COBL: variants seen among roughly 807,000 people sequenced by gnomAD.
COBL encodes the protein cordon-bleu WH2 repeat protein.
Under a neutral mutation model 98.8 loss-of-function variants are expected in COBL, and 51 were observed. That is an observed-to-expected ratio of 0.52 (90% CI 0.41 to 0.65). COBL has a LOEUF of 0.65. COBL is among the 30% of genes least tolerant of loss of function. The probability of loss-of-function intolerance (pLI) is 0.00; values close to 1 mark genes in which losing one functional copy is unlikely to be tolerated. For missense variants in COBL, 1,617 were observed against 1,617.5 expected (o/e 1.00, Z 0.01); for synonymous variants, 634 against 651.7 (o/e 0.97, Z 0.41).
rs1583660569 is a variant in COBL, at chr7:51,065,032, T to C, written c.1096+20134A>G. On this transcript the variant is annotated intron_variant, in intron 7 of 12. Coordinates refer to ENST00000265136, the MANE Select transcript of COBL (RefSeq NM_015198.5). The stretch of plus-strand genomic sequence containing the variant: ...CAGACAGAATTCATTACATTAGAAC[T>C]GTGTGAATAACACTGATTTCAGGAG... The C allele has an allele frequency of 2.2e-5, 14 of 624,978 alleles. No homozygotes were observed. The South Asian group carries it at 2.3e-4, about 10-fold the overall frequency. 38.7% of individuals were successfully genotyped at this position (624,978 alleles called of 1,614,324 possible). A position where few individuals can be genotyped will look rare whatever the true frequency, so the allele number is the denominator to read the frequency against.
intron 8 of COBL, chr7:51,035,956 T>G (rs1562825587): frequency 6.6e-6 from 1 of 152,212 alleles, no homozygotes; most frequent in Non-Finnish European, 1.5e-5. Context: ...AAAGTTCTTA[T>G]GCAATCCTCT....
intron 1 of COBL, among the ~76,000 whole-genome samples, chr7:51,258,923 C>T (rs756709856): frequency 5.9e-5 from 9 of 152,156 alleles, no homozygotes; most frequent in South Asian, 4.1e-4. Flanking sequence ...GCATTCATCG[C>T]TCCCAGAAGG....
chr7:51,026,455 A>G, intron 11 of COBL, 91 bp downstream of exon 11: 1 of 1,512,140 alleles, frequency 6.6e-7, no homozygotes, highest in Non-Finnish European at 9.0e-7. Flanking sequence ...TCGGAAGGAC[A>G]GAAGCTTCTG....
At chr7:51,207,197 A>T (rs895007921) in intron 2 of COBL, among the ~76,000 whole-genome samples, 1 of 152,304 alleles carries the variant, frequency 6.6e-6, no homozygotes, top group African/African-American at 2.4e-5. Context: ...AAGAAAAAAA[A>T]GAAAATCACT....
At chr7:51,114,219 C>T (rs906975513) in intron 6 of COBL, among the ~76,000 whole-genome samples, 1 of 152,074 alleles carries the variant, frequency 6.6e-6, no homozygotes, top group African/African-American at 2.4e-5. Flanking sequence ...TGACTCCTAA[C>T]ACAACAGCAG....
At chr7:51,168,756 C>T (rs912175289) in intron 5 of COBL, among the ~76,000 whole-genome samples, 1 of 152,152 alleles carries the variant, frequency 6.6e-6, no homozygotes, top group Admixed American at 6.5e-5. Flanking sequence ...TCCAGCAATC[C>T]CACTACTGGG....
At chr7:51,297,005 C>A (rs548511158) in intron 1 of COBL, among the ~76,000 whole-genome samples, 1 of 152,158 alleles carries the variant, frequency 6.6e-6, no homozygotes, top group African/African-American at 2.4e-5. Context: ...TTAGCCAAGG[C>A]TGGACGTCTG....
chr7:51,062,267 G>GTCTC (rs146409423), intron 7 of COBL, among the ~76,000 whole-genome samples: 43,287 of 149,002 alleles, frequency 0.29, 6,804 homozygotes, highest in East Asian at 0.45. Context: ...AACAGTTCAT[G>GTCTC]TCTCTCTCTC....
At chr7:51,153,618 A>C (rs1275710329) in intron 5 of COBL, among the ~76,000 whole-genome samples, 1 of 152,230 alleles carries the variant, frequency 6.6e-6, no homozygotes, top group Non-Finnish European at 1.5e-5. Context: ...GTAGATGGGC[A>C]ATATGACTGC....
At chr7:51,123,949 C>G (rs1192890479) in intron 6 of COBL, among the ~76,000 whole-genome samples, 1 of 152,166 alleles carries the variant, frequency 6.6e-6, no homozygotes, top group African/African-American at 2.4e-5. Flanking sequence ...TGGCTCCATG[C>G]AGAAAAGACA....
intron 6 of COBL, among the ~76,000 whole-genome samples, chr7:51,134,589 T>C (rs182488315): frequency 6.6e-6 from 1 of 152,164 alleles, no homozygotes; most frequent in Non-Finnish European, 1.5e-5. Flanking sequence ...ATACAATTCT[T>C]ATTAAAAGAA....
chr7:51,052,702 A>T (rs570303402), intron 7 of COBL, among the ~76,000 whole-genome samples: 9 of 152,306 alleles, frequency 5.9e-5, no homozygotes, highest in African/African-American at 1.9e-4. Context: ...CTCAATCTCA[A>T]ATTGACTATG....
At chr7:51,083,809 C>T (rs558190328) in intron 7 of COBL, among the ~76,000 whole-genome samples, 112 of 152,288 alleles carry the variant, frequency 7.4e-4, no homozygotes, top group South Asian at 5.0e-3. Context: ...TTGTCCCAAG[C>T]ACATGGGACA....
intron 2 of COBL, among the ~76,000 whole-genome samples, chr7:51,208,164 G>T (rs867988407): frequency 7.0e-6 from 1 of 143,810 alleles, no homozygotes; most frequent in Non-Finnish European, 1.5e-5. Context: ...TGGCCGCCCC[G>T]TCTGAGAAGA....
In COBL at chr7:51,239,392, A is replaced by T. The variant is rs117570508; in HGVS notation, c.42-19448T>A. On this transcript the variant is annotated intron_variant, in intron 1 of 12. Coordinates refer to ENST00000265136, the MANE Select transcript of COBL (RefSeq NM_015198.5). ...AGCACCATGACAGTTTACAAATGCCATGGCAATGTCCAGAAGTTACCCTGT... is the reference window on the plus strand; with the variant it reads ...AGCACCATGACAGTTTACAAATGCCTTGGCAATGTCCAGAAGTTACCCTGT... 8.0e-3 allele frequency among the ~76,000 whole-genome samples: 1,216 copies of T among 152,320 alleles called. 58 individuals are homozygous for T. In the South Asian group the frequency reaches 0.13, roughly 17 times the overall value.
chr7:51,175,569 A>G lies in COBL; in HGVS notation c.783+8533T>C, dbSNP rs114238250. 7.4e-3 allele frequency among the ~76,000 whole-genome samples: 1,120 copies of G among 152,358 alleles called. 13 individuals carry two copies. The highest frequency in any genetic ancestry group is 0.026 in the African/African-American group (1,088 of 41,586). The stretch of plus-strand genomic sequence containing the variant: ...TAATGTTCTTGGGACATACCACAAC[A>G]TTTATTTCCTCAGTGGGTATCTCTT... On this transcript the variant is annotated intron_variant, in intron 5 of 12. Transcript: ENST00000265136.
At position 51,049,176 on chromosome 7, in the gene COBL, C is replaced by G. The variant is rs74873244; in HGVS notation, c.1097-5484G>C. On this transcript the variant is annotated intron_variant, in intron 7 of 12. Coordinates refer to ENST00000265136, the MANE Select transcript of COBL (RefSeq NM_015198.5). ...GTTGGAAAGAAAAATTGGGAAACCA[C>G]CTGATGTTCAAAAAGATTCGCCACC... 4.9e-4 allele frequency among the ~76,000 whole-genome samples: 75 copies of G among 152,300 alleles called. 1 individual carries two copies. In the East Asian group the frequency reaches 0.013, roughly 26 times the overall value.
At chr7:51,122,056 G>C (rs1455765932) in intron 6 of COBL, among the ~76,000 whole-genome samples, 1 of 152,190 alleles carries the variant, frequency 6.6e-6, no homozygotes, top group African/African-American at 2.4e-5. Flanking sequence ...ACGTGCAGGA[G>C]AGTGGCGAGC....
intron 1 of COBL, among the ~76,000 whole-genome samples, chr7:51,279,768 T>C (rs980618192): frequency 2.6e-5 from 4 of 152,200 alleles, no homozygotes; most frequent in Admixed American, 2.0e-4. Flanking sequence ...CTAAAAATCC[T>C]CTGTTCCTGC....
Sources: allele counts gnomAD v4.1 joint callset (sites outside exome capture counted in the v4.1 genomes callset), GRCh38; gene constraint gnomAD v4.1.1; transcripts MANE v1.5; gene names NCBI Gene and HGNC (gene_info 2026-07-23, HGNC 2026-07-21).